TPD52: variants seen among roughly 807,000 people sequenced by gnomAD.
TPD52 encodes the protein prostate and colon associated protein.
A neutral mutation model predicts 31.3 loss-of-function variants in TPD52; 17 were observed. The observed-to-expected ratio is 0.54, with a 90% CI of 0.37 to 0.82. TPD52 has a LOEUF of 0.82. Ranked by LOEUF, TPD52 falls within the 40% of genes least tolerant of loss-of-function variation. The pLI is 0.00. For missense variants in TPD52, 212 were observed against 240.1 expected (o/e 0.88, Z 0.77); for synonymous variants, 83 against 89.6 (o/e 0.93, Z 0.42).
chr8:80,171,414 C>T lies in TPD52; in HGVS notation c.19+11G>A. On this transcript the variant is annotated intron_variant, in intron 1 of 7. Transcript: ENST00000518937. ...AGCCCGAGCCCAAGCCCGCTGGGTC[C>T]GCGCCCTCACCTTGCTCGCCGCGGT... 1.3e-6 allele frequency: 2 copies of T among 1,596,450 alleles called. No homozygotes were observed.
In TPD52 at chr8:80,034,769, T is replaced by C. The variant is rs1272019622; in HGVS notation, c.*3347A>G. 1 of 152,192 alleles carries C rather than the reference T, an allele frequency of 6.6e-6. No homozygotes were observed. Among genetic ancestry groups the C allele is most frequent in the Non-Finnish European group, 1.5e-5 (1 of 68,038 alleles). 9.4% of individuals were successfully genotyped at this position (152,192 alleles called of 1,614,324 possible). A position where few individuals can be genotyped will look rare whatever the true frequency, so the allele number is the denominator to read the frequency against. ...ATTTACAAATATTCAAACAAAACTG[T>C]ATTTGGCTTTTTCTATATGATAGAA... is the stretch of plus-strand genomic sequence containing the variant. On this transcript the variant is annotated 3_prime_UTR_variant, in exon 8 of 8. Transcript: ENST00000518937.
chr8:80,153,766 A>C (rs1810742827), intron 1 of TPD52, among the ~76,000 whole-genome samples: 1 of 152,208 alleles, frequency 6.6e-6, no homozygotes, highest in Non-Finnish European at 1.5e-5. Flanking sequence ...AAGCTCCCTC[A>C]TCAGTAAAAC....
intron 1 of TPD52, among the ~76,000 whole-genome samples, chr8:80,099,164 C>G (rs1262609520): frequency 6.6e-6 from 1 of 152,060 alleles, no homozygotes. Flanking sequence ...GTGTGAGTCG[C>G]TTTATTGCTA....
At chr8:80,071,155 C>T (rs756839429) in intron 1 of TPD52, among the ~76,000 whole-genome samples, 2 of 152,154 alleles carry the variant, frequency 1.3e-5, no homozygotes, top group African/African-American at 4.8e-5. Flanking sequence ...ACCCTGCCAA[C>T]GCCTTCATTT....
At chr8:80,057,542 T>C (rs1812030653) in intron 2 of TPD52, among the ~76,000 whole-genome samples, 2 of 152,200 alleles carry the variant, frequency 1.3e-5, no homozygotes, top group African/African-American at 4.8e-5. Context: ...CTGGAGGCCA[T>C]CTTCCTAATC....
downstream of TPD52, among the ~76,000 whole-genome samples, chr8:80,031,578 C>T (rs968789327): frequency 1.1e-4 from 17 of 152,152 alleles, no homozygotes; most frequent in African/African-American, 4.1e-4. Flanking sequence ...CTCAGTCTGA[C>T]TGGGCAGGGT....
chr8:80,052,553 T>C, intron 3 of TPD52: 1 of 1,168,898 alleles, frequency 8.6e-7, no homozygotes, highest in Non-Finnish European at 1.1e-6. Flanking sequence ...TCATGTTAAA[T>C]GCAGTTGGCC....
At chr8:80,166,478 C>T (rs985112060) in intron 1 of TPD52, among the ~76,000 whole-genome samples, 3 of 151,658 alleles carry the variant, frequency 2.0e-5, no homozygotes, top group South Asian at 2.1e-4. Context: ...GTGATCCGCC[C>T]GCCTTGGCCT....
intron 1 of TPD52, among the ~76,000 whole-genome samples, chr8:80,168,817 G>A: frequency 6.6e-6 from 1 of 152,210 alleles, no homozygotes; most frequent in Non-Finnish European, 1.5e-5. Context: ...GATTTGGAGG[G>A]ACACAGAGGT....
intron 7 of TPD52, among the ~76,000 whole-genome samples, chr8:80,041,961 C>T (rs774162307): frequency 2.0e-4 from 31 of 151,948 alleles, no homozygotes; most frequent in Admixed American, 7.2e-4. Context: ...TGGTGGCACG[C>T]GCCTGTAGTC....
chr8:80,095,879 C>CG (rs1816688804), intron 1 of TPD52, among the ~76,000 whole-genome samples: 1 of 152,112 alleles, frequency 6.6e-6, no homozygotes, highest in South Asian at 2.1e-4. Context: ...ACCCAGGAGG[C>CG]GGAGGTTTCA....
At chr8:80,095,263 T>C (rs1040191683) in intron 1 of TPD52, among the ~76,000 whole-genome samples, 3 of 152,050 alleles carry the variant, frequency 2.0e-5, no homozygotes, top group African/African-American at 7.3e-5. Flanking sequence ...CAAAAGCCAA[T>C]CTGAAAAGCC....
intron 4 of TPD52, 130 bp from the exon 5 acceptor site, chr8:80,050,601 A>G: frequency 2.5e-6 from 2 of 799,104 alleles, no homozygotes; most frequent in Non-Finnish European, 3.8e-6. Flanking sequence ...CAGTCAGCAT[A>G]GAGAAAATGA....
intron 1 of TPD52, among the ~76,000 whole-genome samples, chr8:80,145,689 A>G (rs1810144598): frequency 6.6e-6 from 1 of 152,218 alleles, no homozygotes; most frequent in Non-Finnish European, 1.5e-5. Context: ...AATATGTAAT[A>G]TAGACATCAA....
At chr8:80,159,964 G>A (rs182042956) in intron 1 of TPD52, among the ~76,000 whole-genome samples, 90 of 152,322 alleles carry the variant, frequency 5.9e-4, no homozygotes, top group African/African-American at 2.1e-3. Flanking sequence ...GCCGAGGGAG[G>A]AGGATCACTT....
chr8:80,034,825 A>G lies in TPD52; in HGVS notation c.*3291T>C, dbSNP rs145697804. ...ACAAAATTAATAAAATAAACTACCA[A>G]CCAACCTCAGTAACATCAAAATTAC... On this transcript the variant is annotated 3_prime_UTR_variant, in exon 8 of 8. Transcript: ENST00000518937. The G allele has an allele frequency of 8.5e-4, 130 of 152,262 alleles. No homozygotes were observed. The highest frequency in any genetic ancestry group is 2.8e-3 in the African/African-American group (116 of 41,570). 9.4% of individuals were successfully genotyped at this position (152,262 alleles called of 1,614,324 possible).
rs1474890409 is a variant in TPD52, at chr8:80,052,678, T to C, written c.284+604A>G. On this transcript the variant is annotated intron_variant, in intron 3 of 7. Transcript: ENST00000518937. The stretch of plus-strand genomic sequence containing the variant: ...CTGCTGCTAGAAGCTTGCTCCTCCT[T>C]GTGCCGGGAAACAAAACTGCATTAT... 25 of 1,289,042 alleles carry C rather than the reference T, an allele frequency of 1.9e-5. 1 individual carries two copies. Among genetic ancestry groups the C allele is most frequent in the Middle Eastern group, 2.1e-4 (1 of 4,718 alleles). The allele number at this position is 1,289,042 out of a possible 1,614,324, so 79.9% of individuals were successfully genotyped here. A position where few individuals can be genotyped will look rare whatever the true frequency, so the allele number is the denominator to read the frequency against.
intron 1 of TPD52, among the ~76,000 whole-genome samples, chr8:80,137,195 G>A (rs1411805446): frequency 6.6e-6 from 1 of 152,194 alleles, no homozygotes; most frequent in Non-Finnish European, 1.5e-5. Context: ...ATAAGTGTTT[G>A]CCTGCGGGCA....
At chr8:80,081,152 CTCTCTTT>C in intron 1 of TPD52, among the ~76,000 whole-genome samples, 1 of 142,784 alleles carries the variant, frequency 7.0e-6, no homozygotes, top group African/African-American at 2.6e-5. Context: ...TTTCTTTTCT[CTCTCTTT>C]TTTTTTTTTT....
Sources: gnomAD v4.1 joint callset for allele counts (sites outside exome capture counted in the v4.1 genomes callset) on GRCh38, gnomAD v4.1.1 for gene constraint, MANE v1.5 for transcripts, NCBI Gene and HGNC (gene_info 2026-07-23, HGNC 2026-07-21) for gene names.